FAXDC2: variants seen among roughly 807,000 people sequenced by gnomAD.
The protein encoded by FAXDC2 is fatty acid hydroxylase domain-containing protein 2.
Under a neutral mutation model 40.9 loss-of-function variants are expected in FAXDC2, and 41 were observed. That is an observed-to-expected ratio of 1.00 (90% CI 0.78 to 1.30). FAXDC2 has a LOEUF of 1.30. Among genes scored for constraint, FAXDC2 ranks in the 50% most tolerant of loss-of-function variants. The pLI is 0.00. For synonymous variants in FAXDC2, 157 were observed against 149.3 expected (o/e 1.05, Z -0.38); for missense variants, 390 against 408.8 (o/e 0.95, Z 0.40).
At chr5:154,835,934 C>T (rs1167310597) in intron 2 of FAXDC2, among the ~76,000 whole-genome samples, 1 of 131,212 alleles carries the variant, frequency 7.6e-6, no homozygotes, top group African/African-American at 2.9e-5. Flanking sequence ...TGCTCTGTCA[C>T]CCAGGCTGGA....
intron 5 of FAXDC2, among the ~76,000 whole-genome samples, chr5:154,829,952 G>C (rs1203252446): frequency 6.6e-6 from 1 of 152,222 alleles, no homozygotes; most frequent in African/African-American, 2.4e-5. Flanking sequence ...CAGGCCAGCA[G>C]TCCAGTTCAG....
intron 1 of FAXDC2, 96 bp from the exon 2 acceptor site, chr5:154,838,274 A>G: frequency 8.9e-7 from 1 of 1,122,624 alleles, no homozygotes; most frequent in Non-Finnish European, 1.3e-6. Flanking sequence ...GCTAGCAGTG[A>G]TTTTTGAAAA....
chr5:154,834,399 A>G (rs936271468), intron 4 of FAXDC2, among the ~76,000 whole-genome samples: 2 of 152,188 alleles, frequency 1.3e-5, no homozygotes. Flanking sequence ...TTATTTTTCT[A>G]TATTTTGGGA....
chr5:154,844,388 A>G (rs1760548332), intron 1 of FAXDC2, among the ~76,000 whole-genome samples: 1 of 151,922 alleles, frequency 6.6e-6, no homozygotes, highest in Non-Finnish European at 1.5e-5. Context: ...CCTCCAAAAA[A>G]AAAAAAAAAG....
At chr5:154,820,500 G>A in intron 8 of FAXDC2, 28 bp from the exon 9 acceptor site, 13 of 1,582,074 alleles carry the variant, frequency 8.2e-6, no homozygotes, top group Non-Finnish European at 1.1e-5. Flanking sequence ...GCACTGCAGT[G>A]CCCATGCTGG....
At chr5:154,843,876 A>AGCACTTT in intron 1 of FAXDC2, among the ~76,000 whole-genome samples, 1 of 152,326 alleles carries the variant, frequency 6.6e-6, no homozygotes, top group African/African-American at 2.4e-5. Flanking sequence ...CTATAATCCC[A>AGCACTTT]GCACTTTGGG....
chr5:154,821,256 T>G lies in FAXDC2; in HGVS notation c.845+4A>C, dbSNP rs1274593128. On this transcript the variant is annotated splice_donor_region_variant and intron_variant, in intron 8 of 8. Transcript: ENST00000326080. ...GGGACCCATTGTGGGGAGAAGGTCC[T>G]TACTTGAGATGGTGGTAGTCGTGGA... 1 of 1,611,002 alleles carries G rather than the reference T, an allele frequency of 6.2e-7. No individual in the cohort carries two copies. The highest frequency in any genetic ancestry group is 8.5e-7 in the Non-Finnish European group (1 of 1,178,430).
intron 5 of FAXDC2, among the ~76,000 whole-genome samples, chr5:154,826,333 G>A (rs1351309726): frequency 6.6e-6 from 1 of 152,056 alleles, no homozygotes; most frequent in African/African-American, 2.4e-5. Context: ...TTCAAGACCA[G>A]CCTGGGCATC....
chr5:154,835,576 CTTTTTTTG>C lies in FAXDC2; in HGVS notation c.49-650_49-643del, dbSNP rs964733753. Among the ~76,000 whole-genome samples the C allele has an allele frequency of 1.4e-4, 22 of 152,110 alleles. No homozygotes were observed. The East Asian group carries it at 3.1e-3, about 21-fold the overall frequency. On this transcript the variant is annotated intron_variant, in intron 2 of 8. Transcript: ENST00000326080. ...AGAGTGAATTGTACACGTTTTCTGA[CTTTTTTTG>C]TTTTTTTGTTTTTTGAGACAGAGTC...
chr5:154,824,816 C>T (rs759982168), intron 5 of FAXDC2: 9 of 395,210 alleles, frequency 2.3e-5, no homozygotes, highest in African/African-American at 6.1e-5. Flanking sequence ...AGGCTGGGCA[C>T]GGTGGCTCAC....
rs1351522749 is a variant in FAXDC2 at position 154,834,914 on chromosome 5, A to G, written c.69T>C (p.Ser23=). The change falls in exon 3 of 9, where the codon TCT becomes TCC. Residue 23 remains serine, a synonymous_variant. Coordinates refer to ENST00000326080, the MANE Select transcript of FAXDC2 (RefSeq NM_032385.5). ...KSKQEGHIWG[S]MRRTAFILGS... Reference sequence around the variant, plus strand: ...CCAGGATGAAAGCTGTCCTCCTCATAGAGCCCCAGATGTGTCCCTCCTGGA... The same window carrying G: ...CCAGGATGAAAGCTGTCCTCCTCATGGAGCCCCAGATGTGTCCCTCCTGGA... 11 of 1,602,920 alleles carry G rather than the reference A, an allele frequency of 6.9e-6. No homozygotes were observed. The highest frequency in any genetic ancestry group is 9.4e-6 in the Non-Finnish European group (11 of 1,174,038).
At chr5:154,835,459 G>T (rs892969667) in intron 2 of FAXDC2, among the ~76,000 whole-genome samples, 1 of 152,202 alleles carries the variant, frequency 6.6e-6, no homozygotes. Flanking sequence ...AAACCATGAT[G>T]AGGAAATCCT....
Position 154,822,586 on chromosome 5 carries a change from A to G in FAXDC2, c.573-9T>C. On this transcript the variant is annotated splice_polypyrimidine_tract_variant and intron_variant, in intron 6 of 8. Coordinates refer to ENST00000326080, the MANE Select transcript of FAXDC2 (RefSeq NM_032385.5). ...TTGGGTGGTGAAGGAGCCTGGGGAAATAGTTAATAGTTAATAACCTGCTGA... is the reference window on the plus strand; with the variant it reads ...TTGGGTGGTGAAGGAGCCTGGGGAAGTAGTTAATAGTTAATAACCTGCTGA... 6.3e-7 allele frequency: 1 copy of G among 1,590,874 alleles called. No individual in the cohort carries two copies. The highest frequency in any genetic ancestry group is 8.6e-7 in the Non-Finnish European group (1 of 1,158,832).
intron 5 of FAXDC2, 196 bp from the exon 6 acceptor site, chr5:154,823,788 A>G: frequency 1.7e-6 from 1 of 577,236 alleles, no homozygotes; most frequent in Non-Finnish European, 3.1e-6. Flanking sequence ...GCAGGTGAGT[A>G]ATACCCCTGT....
At chr5:154,829,552 C>A (rs1229093608) in intron 5 of FAXDC2, 1 of 154,400 alleles carries the variant, frequency 6.5e-6, no homozygotes, top group Non-Finnish European at 1.5e-5. Context: ...CATTTCTGAA[C>A]CTCAGCTTCT....
chr5:154,845,422 A>C (rs77593883), intron 1 of FAXDC2, among the ~76,000 whole-genome samples: 1,988 of 152,302 alleles, frequency 0.013, 41 homozygotes, highest in African/African-American at 0.045. Flanking sequence ...TGACTTGACT[A>C]ATTCTTTTTT....
intron 5 of FAXDC2, 123 bp from the exon 6 acceptor site, chr5:154,823,715 A>G: frequency 1.3e-6 from 1 of 749,274 alleles, no homozygotes; most frequent in Non-Finnish European, 2.2e-6. Flanking sequence ...GACAGCCAGT[A>G]GCTCCTGACT....
In FAXDC2 at chr5:154,850,232, T is replaced by C. The variant is rs374843170; in HGVS notation, c.-1+251A>G. Among the ~76,000 whole-genome samples, 57 of 152,318 alleles carry C rather than the reference T, an allele frequency of 3.7e-4. 1 individual carries two copies. In the South Asian group the frequency reaches 4.8e-3, roughly 13 times the overall value. On this transcript the variant is annotated intron_variant, in intron 1 of 8. Coordinates refer to ENST00000326080, the MANE Select transcript of FAXDC2 (RefSeq NM_032385.5). ...AAAATTAGACTACTGAGGAGGTAGA[T>C]GGTACAAACACAGGCAGAGGATACA...
intron 5 of FAXDC2, among the ~76,000 whole-genome samples, chr5:154,825,647 T>A (rs1760009654): frequency 1.1e-3 from 3 of 2,780 alleles, no homozygotes; most frequent in Non-Finnish European, 6.9e-3. Flanking sequence ...TGAGACTCCG[T>A]CTCAAAAAAA....
Sources: gnomAD v4.1 joint callset for allele counts (sites outside exome capture counted in the v4.1 genomes callset) on GRCh38, gnomAD v4.1.1 for gene constraint, MANE v1.5 for transcripts, NCBI Gene and HGNC (gene_info 2026-07-23, HGNC 2026-07-21) for gene names.